XPO4: variants seen among roughly 807,000 people sequenced by gnomAD.
XPO4 encodes exportin 4, also known as exportin-4.
Under a neutral mutation model 143.0 loss-of-function variants are expected in XPO4, and 39 were observed. The observed-to-expected ratio is 0.27, with a 90% confidence interval of 0.21 to 0.36. The LOEUF is 0.36. XPO4 is among the 10% of genes least tolerant of loss of function. The pLI, the probability that XPO4 is intolerant of heterozygous loss-of-function variation, is 1.00. For synonymous variants in XPO4, 439 were observed against 474.0 expected (o/e 0.93, Z 0.96); for missense variants, 907 against 1,348.0 (o/e 0.67, Z 5.12).
intron 4 of XPO4, among the ~76,000 whole-genome samples, chr13:20,854,665 T>C (rs962470201): frequency 2.0e-5 from 3 of 152,148 alleles, no homozygotes; most frequent in Admixed American, 6.5e-5. Flanking sequence ...GTGATAAAAG[T>C]TGATAGGTTA....
chr13:20,812,902 T>TA (rs1566577292), intron 9 of XPO4, among the ~76,000 whole-genome samples: 1 of 151,988 alleles, frequency 6.6e-6, no homozygotes, highest in Non-Finnish European at 1.5e-5. Context: ...GAAAAAGCCA[T>TA]AAAAAAGAAT....
At chr13:20,899,877 T>C (rs1457300823) in intron 1 of XPO4, among the ~76,000 whole-genome samples, 1 of 152,220 alleles carries the variant, frequency 6.6e-6, no homozygotes, top group Non-Finnish European at 1.5e-5. Context: ...GTTTAAAATA[T>C]GTAGCTTAAT....
intron 1 of XPO4, among the ~76,000 whole-genome samples, chr13:20,890,360 G>C (rs1336100854): frequency 6.6e-6 from 1 of 151,924 alleles, no homozygotes; most frequent in Non-Finnish European, 1.5e-5. Flanking sequence ...TGAGGTGGGA[G>C]GATTGCTTGA....
Position 20,868,698 on chromosome 13 carries a change from G to T in XPO4, c.73C>A (p.Pro25Thr). The T allele has an allele frequency of 1.2e-6, 2 of 1,612,160 alleles. No homozygotes were observed. Among genetic ancestry groups the T allele is most frequent in the Non-Finnish European group, 8.5e-7 (1 of 1,179,216 alleles). Residue 25 changes from proline (P) to threonine (T), a missense_variant, in exon 2 of 23, where the codon CCA becomes ACA. Pro to Thr is a conservative substitution (Grantham distance 38). Transcript: ENST00000255305. ...TGTTCATTATTGACCATGGAAGGTGGTGCCTTGAGAGTTAAAGACAAGAAC... is the reference window on the plus strand; with the variant it reads ...TGTTCATTATTGACCATGGAAGGTGTTGCCTTGAGAGTTAAAGACAAGAAC... The part of the protein sequence containing the change: ...LENAAKVLMA[P>T]PSMVNNEQRQ...
intron 1 of XPO4, among the ~76,000 whole-genome samples, chr13:20,899,413 T>C (rs966354938): frequency 2.6e-5 from 4 of 151,920 alleles, no homozygotes; most frequent in African/African-American, 7.3e-5. Flanking sequence ...GGATCAGTTA[T>C]ATCATGAATT....
At chr13:20,808,619 T>C (rs760808582) in intron 11 of XPO4, 38 bp from the exon 12 acceptor site, 16 of 1,477,770 alleles carry the variant, frequency 1.1e-5, no homozygotes, top group Non-Finnish European at 1.5e-5. Context: ...TAAAGTTCAA[T>C]AAGCAAAGAC....
intron 1 of XPO4, among the ~76,000 whole-genome samples, chr13:20,899,220 A>G (rs1385219442): frequency 6.6e-6 from 1 of 152,136 alleles, no homozygotes; most frequent in Non-Finnish European, 1.5e-5. Flanking sequence ...TTTATCTGGC[A>G]GCTTATCCAA....
At chr13:20,861,620 A>C (rs1369115753) in intron 3 of XPO4, among the ~76,000 whole-genome samples, 1 of 151,958 alleles carries the variant, frequency 6.6e-6, no homozygotes, top group Non-Finnish European at 1.5e-5. Flanking sequence ...TAATCATTCA[A>C]GAAATAAATG....
At chr13:20,799,130 CA>C in intron 16 of XPO4, 34 bp downstream of exon 16, 2 of 1,531,580 alleles carry the variant, frequency 1.3e-6, no homozygotes, top group Non-Finnish European at 1.8e-6. Context: ...CAGAGTTACA[CA>C]AAAGGGTGCA....
chr13:20,882,252 G>A (rs2060418600), intron 1 of XPO4, among the ~76,000 whole-genome samples: 1 of 152,092 alleles, frequency 6.6e-6, no homozygotes, highest in African/African-American at 2.4e-5. Context: ...ACTTGAGACT[G>A]GGTAATTTAT....
chr13:20,823,347 T>C (rs1395374194), intron 7 of XPO4, among the ~76,000 whole-genome samples: 2 of 152,228 alleles, frequency 1.3e-5, no homozygotes, highest in Non-Finnish European at 2.9e-5. Context: ...GAACACTTAA[T>C]AAATCCTTGT....
intron 9 of XPO4, among the ~76,000 whole-genome samples, chr13:20,810,307 T>C (rs780945335): frequency 6.6e-6 from 1 of 152,098 alleles, no homozygotes; most frequent in African/African-American, 2.4e-5. Context: ...TTAGAGAAAC[T>C]GAAGGATGAA....
chr13:20,807,878 C>T (rs534151411), intron 12 of XPO4, among the ~76,000 whole-genome samples: 6 of 152,246 alleles, frequency 3.9e-5, no homozygotes, highest in Admixed American at 3.9e-4. Context: ...GCTTTTTAAT[C>T]TACTACCTTA....
chr13:20,902,336 T>A (rs565099154), intron 1 of XPO4: 2 of 985,372 alleles, frequency 2.0e-6, no homozygotes, highest in East Asian at 2.3e-4. Context: ...CCTGCGGGGA[T>A]AACCCCAACT....
intron 1 of XPO4, among the ~76,000 whole-genome samples, chr13:20,876,888 G>T (rs994502916): frequency 6.6e-6 from 1 of 152,144 alleles, no homozygotes; most frequent in East Asian, 1.9e-4. Flanking sequence ...ATCGTGTAAG[G>T]GGACCCAAGC....
intron 4 of XPO4, chr13:20,848,746 G>C: frequency 1.0e-6 from 1 of 985,322 alleles, no homozygotes; most frequent in Non-Finnish European, 1.2e-6. Flanking sequence ...CCAGCACTAT[G>C]TTAACATAAC....
rs761405308 is a variant in XPO4, at chr13:20,822,123, T to C, written c.998+9A>G. ...TCCTTTTTCAGCTGCAAAGGGCAAG[T>C]ATACCTACCCATTGATAGTATTCAG... On this transcript the variant is annotated intron_variant, in intron 8 of 22. Coordinates refer to ENST00000255305, the MANE Select transcript of XPO4 (RefSeq NM_022459.5). The C allele has an allele frequency of 1.2e-6, 2 of 1,605,240 alleles. No homozygotes were observed. The highest frequency in any genetic ancestry group is 1.7e-5 in the Admixed American group (1 of 58,536).
At chr13:20,862,676 C>T (rs2060212964) in intron 3 of XPO4, 41 bp downstream of exon 3, 2 of 1,611,352 alleles carry the variant, frequency 1.2e-6, no homozygotes, top group African/African-American at 1.3e-5. Flanking sequence ...TACACATAAG[C>T]TCAGCAAAAG....
rs925797498 is a variant in XPO4, at chr13:20,901,072, A to G, written c.69+1598T>C. On this transcript the variant is annotated intron_variant, in intron 1 of 22. Coordinates refer to ENST00000255305, the MANE Select transcript of XPO4 (RefSeq NM_022459.5). ...CAGACAGAACTGAGTTCAAGACCTAATTCAGCCATTTAGTAATCGTGTAAC... is the reference window on the plus strand; with the variant it reads ...CAGACAGAACTGAGTTCAAGACCTAGTTCAGCCATTTAGTAATCGTGTAAC... 3.9e-5 allele frequency among the ~76,000 whole-genome samples: 6 copies of G among 152,190 alleles called. No homozygotes were observed. The South Asian group carries it at 1.2e-3, about 32-fold the overall frequency.
Sources: gnomAD v4.1 joint callset for allele counts (sites outside exome capture counted in the v4.1 genomes callset) on GRCh38, gnomAD v4.1.1 for gene constraint, MANE v1.5 for transcripts, NCBI Gene and HGNC (gene_info 2026-07-23, HGNC 2026-07-21) for gene names.